CDC25B: variants seen among roughly 807,000 people sequenced by gnomAD.
CDC25B encodes the protein M-phase inducer phosphatase 2.
A neutral mutation model predicts 69.8 loss-of-function variants in CDC25B; 33 were observed. That is an observed-to-expected ratio of 0.47 (90% confidence interval 0.36 to 0.63). The LOEUF (loss-of-function observed/expected upper bound fraction) is 0.63. CDC25B is among the 30% of genes least tolerant of loss of function. The pLI is 0.00. For missense variants in CDC25B, 727 were observed against 809.1 expected, an observed-to-expected ratio of 0.90 and a Z score of 1.23; for synonymous variants, 341 against 314.6, an observed-to-expected ratio of 1.08 and a Z score of -0.89.
chr20:3,796,889 C>G (rs1439168153), intron 1 of CDC25B, among the ~76,000 whole-genome samples, 158 bp downstream of exon 1: 2 of 152,078 alleles, frequency 1.3e-5, no homozygotes, highest in African/African-American at 4.8e-5. Context: ...TCCTAGGGGC[C>G]CAGGACATGG....
intron 1 of CDC25B, among the ~76,000 whole-genome samples, chr20:3,790,728 C>T (rs1352622517): frequency 1.3e-5 from 2 of 152,084 alleles, no homozygotes; most frequent in Admixed American, 6.6e-5. Flanking sequence ...AACTACTATA[C>T]CTGGCTAATT....
chr20:3,797,994 C>T (rs1221294006), intron 2 of CDC25B, among the ~76,000 whole-genome samples: 1 of 152,182 alleles, frequency 6.6e-6, no homozygotes, highest in East Asian at 1.9e-4. Context: ...TGAGATCTTA[C>T]CTATGTAAAA....
rs1478034423 is a variant in CDC25B, at chr20:3,803,311, G to A, written c.1357-93G>A. 3 of 1,592,126 alleles carry A rather than the reference G, an allele frequency of 1.9e-6. No homozygotes were observed. The highest frequency in any genetic ancestry group is 2.6e-6 in the Non-Finnish European group (3 of 1,163,414). On this transcript the variant is annotated intron_variant, in intron 13 of 15. Transcript: ENST00000245960. The surrounding 1 kb of genome is among the most constrained non-coding windows in gnomAD (Gnocchi z 4.9). ...GAGGACGGGTGCCCCCTCTCATGGG[G>A]AGGGTTCCTACTAAGAGAAGGACAG... is the stretch of plus-strand genomic sequence containing the variant.
chr20:3,805,526 CTT>C lies in CDC25B; in HGVS notation c.*567_*568del. ...TCCAGCCTGAACAGAAGCTCTTACT[CTT>C]TCCTATTTCAGTGTTACCTGTGTGC... is the stretch of plus-strand genomic sequence containing the variant. On this transcript the variant is annotated 3_prime_UTR_variant, in exon 16 of 16. Coordinates refer to ENST00000245960, the MANE Select transcript of CDC25B (RefSeq NM_021873.4). 5.4e-6 allele frequency: 2 copies of C among 370,532 alleles called. No homozygotes were observed. The highest frequency in any genetic ancestry group is 9.6e-6 in the Non-Finnish European group (2 of 208,570). 23.0% of individuals were successfully genotyped at this position (370,532 alleles called of 1,614,324 possible). A position where few individuals can be genotyped will look rare whatever the true frequency, so the allele number is the denominator to read the frequency against.
chr20:3,803,560 C>T lies in CDC25B; in HGVS notation c.1490+23C>T. Reference sequence around the variant, plus strand: ...CATGTGAGTCCCAGCTCCGCCCAGCCAGCTAGTGTCTGCCCTGGCCTTCCC... The same window carrying T: ...CATGTGAGTCCCAGCTCCGCCCAGCTAGCTAGTGTCTGCCCTGGCCTTCCC... On this transcript the variant is annotated intron_variant, in intron 14 of 15. Coordinates refer to ENST00000245960, the MANE Select transcript of CDC25B (RefSeq NM_021873.4). This position sits in a 1 kb window ranked among gnomAD's most constrained non-coding sequence, Gnocchi z 4.9. The T allele has an allele frequency of 1.2e-6, 2 of 1,613,526 alleles. No homozygotes were observed. Among genetic ancestry groups the T allele is most frequent in the South Asian group, 1.1e-5 (1 of 91,082 alleles).
At chr20:3,797,815 C>T in intron 2 of CDC25B, 66 bp downstream of exon 2, 1 of 1,584,060 alleles carries the variant, frequency 6.3e-7, no homozygotes. Context: ...CTGCCTGGGC[C>T]TCCCAATTTC....
intron 15 of CDC25B, 39 bp downstream of exon 15, chr20:3,804,719 GTT>G: frequency 6.8e-7 from 1 of 1,467,862 alleles, no homozygotes; most frequent in Non-Finnish European, 9.3e-7. Context: ...CTGTGTGAGG[GTT>G]GGCTTGGCCA....
chr20:3,791,382 A>T (rs1234152788), upstream of CDC25B, among the ~76,000 whole-genome samples: 1 of 152,108 alleles, frequency 6.6e-6, no homozygotes. Context: ...AGGGAAAAGG[A>T]GATTTCAATA....
intron 1 of CDC25B, among the ~76,000 whole-genome samples, chr20:3,790,863 C>G (rs546384869): frequency 2.1e-4 from 32 of 151,920 alleles, no homozygotes; most frequent in African/African-American, 7.5e-4. Flanking sequence ...AGCCACCGCA[C>G]CTGGCCTAAT....
At position 3,797,769 on chromosome 20, in the gene CDC25B, G is replaced by A. The variant is rs2089117753; in HGVS notation, c.328+20G>A. Reference sequence around the variant, plus strand: ...ATGCAGGTGAGGCCCAGGGGAGCCTGGGGAGATCTGCCTGTGTCAGGAGAG... The same window carrying A: ...ATGCAGGTGAGGCCCAGGGGAGCCTAGGGAGATCTGCCTGTGTCAGGAGAG... On this transcript the variant is annotated intron_variant, in intron 2 of 15. Coordinates refer to ENST00000245960, the MANE Select transcript of CDC25B (RefSeq NM_021873.4). 1.9e-6 allele frequency: 3 copies of A among 1,612,778 alleles called. No homozygotes were observed. The South Asian group carries it at 3.3e-5, about 18-fold the overall frequency.
At position 3,790,267 on chromosome 20, in the gene CDC25B, CA is replaced by C. The variant is rs879722823; in HGVS notation, c.8+3140del. Among the ~76,000 whole-genome samples the C allele has an allele frequency of 8.6e-3, 959 of 110,990 alleles. 6 individuals are homozygous for C. Among genetic ancestry groups the C allele is most frequent in the African/African-American group, 0.022 (658 of 30,046 alleles). 72.8% of individuals were successfully genotyped at this position (110,990 alleles called of 152,430 possible). ...TGGGTGACAGAGTGAGACTCTGTCT[CA>C]AAAAAAAAAAAGGTTTTATTAAGAT... On this transcript the variant is annotated intron_variant, in intron 1 of 15. Coordinates refer to the CDC25B transcript ENST00000344256.
chr20:3,804,512 T>C, intron 14 of CDC25B, 57 bp from the exon 15 acceptor site: 12 of 1,101,190 alleles, frequency 1.1e-5, no homozygotes, highest in Non-Finnish European at 1.7e-5. Context: ...ATAGGTCCCA[T>C]GATGTACAAG....
chr20:3,798,413 T>C lies in CDC25B; in HGVS notation c.330T>C (p.Gly110=). ...SSESSESSDA[G]LCMDSPSPMD... ...AACCAAGGTGCTCTGTCCCCTCAGGTCTCTGCATGGATTCCCCCAGCCCTA... is the reference window on the plus strand; with the variant it reads ...AACCAAGGTGCTCTGTCCCCTCAGGCCTCTGCATGGATTCCCCCAGCCCTA... Residue 110 remains glycine, a splice_region_variant and synonymous_variant, in exon 3 of 16, where the codon GGT becomes GGC. Coordinates refer to ENST00000245960, the MANE Select transcript of CDC25B (RefSeq NM_021873.4). 1 of 1,570,964 alleles carries C rather than the reference T, an allele frequency of 6.4e-7. No homozygotes were observed. The highest frequency in any genetic ancestry group is 8.6e-7 in the Non-Finnish European group (1 of 1,157,706).
intron 15 of CDC25B, 26 bp from the exon 16 acceptor site, chr20:3,804,794 GC>G: frequency 6.2e-7 from 1 of 1,613,674 alleles, no homozygotes; most frequent in Non-Finnish European, 8.5e-7. Flanking sequence ...CCATTCCACT[GC>G]ATTGACCCCT....
chr20:3,805,459 C>G lies in CDC25B; in HGVS notation c.*498C>G, dbSNP rs11570021. ...AACCGTGGTATGTCTGCCATGTTGC[C>G]CCTTTCTCTTTTCCCCTTTCCTGTC... is the stretch of plus-strand genomic sequence containing the variant. On this transcript the variant is annotated 3_prime_UTR_variant, in exon 16 of 16. Coordinates refer to ENST00000245960, the MANE Select transcript of CDC25B (RefSeq NM_021873.4). The G allele has an allele frequency of 3.7e-6, 1 of 272,682 alleles. No homozygotes were observed. Among genetic ancestry groups the G allele is most frequent in the Admixed American group, 4.9e-5 (1 of 20,468 alleles). 16.9% of individuals were successfully genotyped at this position (272,682 alleles called of 1,614,324 possible).
At chr20:3,796,274 C>T, upstream of CDC25B, 8 of 1,311,370 alleles carry the variant, frequency 6.1e-6, no homozygotes, top group Non-Finnish European at 6.8e-6. Context: ...TGTTATTTTT[C>T]GAATATATAA....
upstream of CDC25B, among the ~76,000 whole-genome samples, chr20:3,791,492 G>C (rs2088914598): frequency 6.6e-6 from 1 of 152,130 alleles, no homozygotes; most frequent in South Asian, 2.1e-4. Flanking sequence ...AGACCAGCCT[G>C]GGGAACATGA....
chr20:3,799,961 G>A (rs1244532388), intron 3 of CDC25B, among the ~76,000 whole-genome samples: 2 of 152,166 alleles, frequency 1.3e-5, no homozygotes, highest in East Asian at 3.9e-4. Context: ...TTGCATACAG[G>A]TGGAAGGCCT....
In CDC25B at chr20:3,787,140, G is replaced by GT. The variant is rs774169010; in HGVS notation, c.8+2dup. ...TCACGTCACCTGGAGAGATGCACAG[G>GT]TAACATTTTGATACATTTCCTTCCA... On this transcript the variant is annotated splice_donor_variant, in intron 1 of 15. Transcript: ENST00000344256. LOFTEE classifies it high-confidence loss of function. The GT allele has an allele frequency of 9.9e-5, 66 of 666,050 alleles. No individual in the cohort carries two copies. The South Asian group carries it at 1.1e-3, about 11-fold the overall frequency. 41.3% of individuals were successfully genotyped at this position (666,050 alleles called of 1,614,324 possible). A position where few individuals can be genotyped will look rare whatever the true frequency, so the allele number is the denominator to read the frequency against.
Sources: allele counts gnomAD v4.1 joint callset (sites outside exome capture counted in the v4.1 genomes callset), GRCh38; gene constraint gnomAD v4.1.1; non-coding constraint Gnocchi (gnomAD v3.1); transcripts MANE v1.5; gene names NCBI Gene and HGNC (gene_info 2026-07-23, HGNC 2026-07-21).